The following CCSER1 variants were observed in gnomAD, a reference collection of about 807,000 sequenced individuals.
The protein encoded by CCSER1 is coiled-coil serine rich protein 1.
CCSER1 carries 41 observed loss-of-function variants against 82.0 expected under a neutral mutation model. The ratio of observed to expected loss-of-function variants is 0.50; its 90% CI spans 0.39 to 0.65. The LOEUF (loss-of-function observed/expected upper bound fraction) is 0.65. Among genes scored for constraint, CCSER1 ranks in the 30% least tolerant of loss-of-function variants. CCSER1 has a pLI of 0.00. For missense variants in CCSER1, 1,119 were observed against 1,064.2 expected (o/e 1.05, Z -0.72); for synonymous variants, 414 against 383.9 (o/e 1.08, Z -0.92).
intron 9 of CCSER1, 41 bp downstream of exon 9, chr4:90,923,488 C>T (rs2150251407): frequency 7.5e-7 from 1 of 1,331,198 alleles, no homozygotes; most frequent in African/African-American, 1.5e-5. Flanking sequence ...TCATTATTGG[C>T]ATTCAGACCT....
chr4:90,406,204 G>A (rs1004454119), intron 4 of CCSER1, among the ~76,000 whole-genome samples: 2 of 152,082 alleles, frequency 1.3e-5, no homozygotes, highest in Admixed American at 6.6e-5. Flanking sequence ...AATTGAGCAG[G>A]AGTAGCTATT....
intron 10 of CCSER1, among the ~76,000 whole-genome samples, chr4:91,188,876 G>T (rs2149044869): frequency 6.6e-6 from 1 of 152,148 alleles, no homozygotes; most frequent in African/African-American, 2.4e-5. Flanking sequence ...GATAGTTAGT[G>T]CTAGCATACC....
intron 9 of CCSER1, among the ~76,000 whole-genome samples, chr4:90,957,561 T>G (rs992300937): frequency 7.9e-6 from 1 of 127,102 alleles, no homozygotes; most frequent in Admixed American, 9.3e-5. Context: ...ATTATATATA[T>G]TATATAATTA....
intron 10 of CCSER1, among the ~76,000 whole-genome samples, chr4:91,090,615 C>A (rs1723846360): frequency 1.3e-5 from 2 of 152,162 alleles, no homozygotes; most frequent in Non-Finnish European, 1.5e-5. Flanking sequence ...TCATCAGGAA[C>A]TGGGTCTGCA....
chr4:90,675,337 A>G (rs1733629429), intron 6 of CCSER1, among the ~76,000 whole-genome samples: 1 of 151,992 alleles, frequency 6.6e-6, no homozygotes, highest in Non-Finnish European at 1.5e-5. Context: ...AATCACATGT[A>G]GAGAGTGTGC....
In CCSER1 at chr4:90,668,000, G is replaced by A. The variant is rs566590516; in HGVS notation, c.1932+39768G>A. On this transcript the variant is annotated intron_variant, in intron 6 of 10. Coordinates refer to ENST00000509176, the MANE Select transcript of CCSER1 (RefSeq NM_001145065.2). ...TAACCTCATAGAGTTAGGTATTATT[G>A]CTTGTGTGTGATGGTGGAGCTGTGT... Among the ~76,000 whole-genome samples the A allele has an allele frequency of 1.2e-4, 19 of 152,242 alleles. No individual in the cohort carries two copies. In the East Asian group the frequency reaches 3.1e-3, roughly 25 times the overall value.
At chr4:90,692,650 A>G (rs1355577816) in intron 6 of CCSER1, among the ~76,000 whole-genome samples, 1 of 151,898 alleles carries the variant, frequency 6.6e-6, no homozygotes, top group Non-Finnish European at 1.5e-5. Context: ...CGACCATTTT[A>G]TTAACCATTT....
At chr4:90,506,765 C>CA (rs561754187) in intron 5 of CCSER1, among the ~76,000 whole-genome samples, 16,743 of 114,028 alleles carry the variant, frequency 0.15, 969 homozygotes, top group South Asian at 0.21. Flanking sequence ...ACTCCGTGTC[C>CA]AAAAAAAAAA....
At chr4:91,370,821 C>CCATCA (rs1389101115) in intron 10 of CCSER1, among the ~76,000 whole-genome samples, 3 of 151,830 alleles carry the variant, frequency 2.0e-5, no homozygotes, top group Non-Finnish European at 2.9e-5. Context: ...AATGGGATGC[C>CCATCA]CATCACCTTA....
At chr4:90,804,273 A>C (rs748769882) in intron 7 of CCSER1, among the ~76,000 whole-genome samples, 1 of 152,144 alleles carries the variant, frequency 6.6e-6, no homozygotes, top group Non-Finnish European at 1.5e-5. Context: ...TGTTTTAGAC[A>C]TGAAGTCTTT....
At chr4:90,726,445 GA>G (rs549528903) in intron 7 of CCSER1, among the ~76,000 whole-genome samples, 51 of 151,972 alleles carry the variant, frequency 3.4e-4, no homozygotes, top group African/African-American at 1.1e-3. Flanking sequence ...ATTAAGTATG[GA>G]AAAAAAGATG....
Position 91,474,812 on chromosome 4 carries a change from TACAC to T in CCSER1, c.2218-123736_2218-123733del, listed in dbSNP as rs67642697. Among the ~76,000 whole-genome samples the T allele has an allele frequency of 3.6e-3, 239 of 66,066 alleles. 4 individuals are homozygous for T. Among genetic ancestry groups the T allele is most frequent in the Non-Finnish European group, 3.3e-3 (111 of 33,814 alleles). 43.3% of individuals were successfully genotyped at this position (66,066 alleles called of 152,430 possible). ...GTATATATATATATATATATATATATACACACACACACACACACACACACACATT... is the reference window on the plus strand; with the variant it reads ...GTATATATATATATATATATATATATACACACACACACACACACACACATT... On this transcript the variant is annotated intron_variant, in intron 10 of 10. Coordinates refer to ENST00000509176, the MANE Select transcript of CCSER1 (RefSeq NM_001145065.2).
At chr4:91,518,438 T>C (rs12644667) in intron 10 of CCSER1, among the ~76,000 whole-genome samples, 15,119 of 152,058 alleles carry the variant, frequency 0.099, 824 homozygotes, top group South Asian at 0.2. Flanking sequence ...TACTCAGTAT[T>C]TTCACTCCTT....
At chr4:90,544,359 A>C (rs923230945) in intron 5 of CCSER1, among the ~76,000 whole-genome samples, 1 of 152,084 alleles carries the variant, frequency 6.6e-6, no homozygotes, top group African/African-American at 2.4e-5. Context: ...CGTGGTTATG[A>C]CTTATTATGT....
intron 9 of CCSER1, among the ~76,000 whole-genome samples, chr4:90,933,018 A>AAGAGAAAGAAAGAAAGAAAG (rs1211659595): frequency 1.1e-5 from 1 of 88,288 alleles, no homozygotes; most frequent in African/African-American, 8.0e-5. Flanking sequence ...GAAAGAAAGA[A>AAGAGAAAGAAAGAAAGAAAG]AGAAAGAAAG....
chr4:91,275,115 A>AAT (rs1742319247), intron 10 of CCSER1, among the ~76,000 whole-genome samples: 1 of 152,050 alleles, frequency 6.6e-6, no homozygotes, highest in Non-Finnish European at 1.5e-5. Flanking sequence ...AAAAAAAAAA[A>AAT]AGAAACACTA....
intron 10 of CCSER1, among the ~76,000 whole-genome samples, chr4:91,327,018 G>A (rs1029635660): frequency 4.6e-5 from 7 of 152,178 alleles, no homozygotes; most frequent in Non-Finnish European, 1.0e-4. Flanking sequence ...TCATGGACTG[G>A]CATAGAGTGC....
intron 6 of CCSER1, chr4:90,683,263 T>G (rs994570115): frequency 6.6e-6 from 1 of 152,070 alleles, no homozygotes; most frequent in Non-Finnish European, 1.5e-5. Flanking sequence ...AATCTTAAAG[T>G]GCTTCTATGA....
intron 4 of CCSER1, among the ~76,000 whole-genome samples, chr4:90,403,603 T>C (rs1369098326): frequency 6.6e-6 from 1 of 151,890 alleles, no homozygotes; most frequent in African/African-American, 2.4e-5. Context: ...TCAAAAATGA[T>C]GTTTTTAATA....
Sources: gnomAD v4.1 joint callset for allele counts (sites outside exome capture counted in the v4.1 genomes callset) on GRCh38, gnomAD v4.1.1 for gene constraint, MANE v1.5 for transcripts, NCBI Gene and HGNC (gene_info 2026-07-23, HGNC 2026-07-21) for gene names.